TBC1D2B: variants seen among roughly 807,000 people sequenced by gnomAD.
The protein encoded by TBC1D2B is TBC1 domain family, member 2B.
A neutral mutation model predicts 100.8 loss-of-function variants in TBC1D2B; 64 were observed. That is an observed-to-expected ratio of 0.64 (90% CI 0.52 to 0.78). TBC1D2B has a LOEUF of 0.78. Ranked by LOEUF, TBC1D2B falls within the 30% of genes least tolerant of loss-of-function variation. TBC1D2B has a pLI of 0.00. For synonymous variants in TBC1D2B, 480 were observed against 479.7 expected (o/e 1.00, Z -0.01); for missense variants, 1,052 against 1,218.4 (o/e 0.86, Z 2.03).
intron 10 of TBC1D2B, among the ~76,000 whole-genome samples, chr15:78,005,417 G>A (rs1270321425): frequency 6.6e-6 from 1 of 152,254 alleles, no homozygotes; most frequent in Admixed American, 6.5e-5. Context: ...GTTCTGGCAG[G>A]AGGCAGTTTG....
intron 1 of TBC1D2B, among the ~76,000 whole-genome samples, chr15:78,070,954 C>G (rs2073733856): frequency 6.6e-6 from 1 of 152,252 alleles, no homozygotes; most frequent in South Asian, 2.1e-4. Flanking sequence ...TCCCAAGCAG[C>G]TGGGATTACA....
intron 1 of TBC1D2B, among the ~76,000 whole-genome samples, chr15:78,064,873 G>A (rs551128543): frequency 6.6e-6 from 1 of 152,294 alleles, no homozygotes; most frequent in East Asian, 1.9e-4. Context: ...TGGAATACAA[G>A]GTCACAAACC....
rs1303456668 is a variant in TBC1D2B at position 78,040,747 on chromosome 15, AAGGG to A, written c.683+4149_683+4152del. 3.6e-5 allele frequency among the ~76,000 whole-genome samples: 5 copies of A among 137,996 alleles called. No homozygotes were observed. The East Asian group carries it at 6.8e-4, about 19-fold the overall frequency. 90.5% of individuals were successfully genotyped at this position (137,996 alleles called of 152,430 possible). The stretch of plus-strand genomic sequence containing the variant: ...GAGAAAAGGAAGGAAGGAAGGAAAG[AAGGG>A]AGGGAGGGAGAGAGGAAGAGAGAAA... On this transcript the variant is annotated intron_variant, in intron 3 of 12. Coordinates refer to ENST00000300584, the MANE Select transcript of TBC1D2B (RefSeq NM_144572.2).
chr15:78,011,644 GGTTTT>G (rs569150719), intron 9 of TBC1D2B, among the ~76,000 whole-genome samples: 69,557 of 126,992 alleles, frequency 0.55, 20,114 homozygotes, highest in Admixed American at 0.6. Context: ...CTAATTTTTT[GGTTTT>G]TTTTTTTTTT....
At chr15:78,005,055 C>CT (rs2072029476) in intron 10 of TBC1D2B, among the ~76,000 whole-genome samples, 3 of 152,218 alleles carry the variant, frequency 2.0e-5, no homozygotes, top group Admixed American at 2.0e-4. Context: ...TATCCAGCTG[C>CT]AGACGTCCAA....
intron 1 of TBC1D2B, among the ~76,000 whole-genome samples, chr15:78,069,313 G>A (rs1046293630): frequency 6.6e-6 from 1 of 152,116 alleles, no homozygotes; most frequent in African/African-American, 2.4e-5. Context: ...AGGGCGGGCC[G>A]GCCCTAGCCA....
At chr15:78,053,984 GA>G (rs1344550065) in intron 2 of TBC1D2B, 49 bp downstream of exon 2, 1 of 1,550,228 alleles carries the variant, frequency 6.5e-7, no homozygotes, top group Non-Finnish European at 8.7e-7. Context: ...ATGTGGTATC[GA>G]ATGGCTTACA....
chr15:78,063,023 A>T (rs1193464234), intron 1 of TBC1D2B, among the ~76,000 whole-genome samples: 1 of 152,190 alleles, frequency 6.6e-6, no homozygotes, highest in Non-Finnish European at 1.5e-5. Flanking sequence ...ACTTCATGGT[A>T]TTGAAAATTA....
intron 1 of TBC1D2B, chr15:78,065,974 A>T: frequency 2.1e-6 from 1 of 470,588 alleles, no homozygotes; most frequent in Admixed American, 2.3e-5. Flanking sequence ...GTCCTATATC[A>T]TTGTTACCCA....
intron 3 of TBC1D2B, among the ~76,000 whole-genome samples, chr15:78,042,986 G>C (rs1025695690): frequency 6.6e-6 from 1 of 152,182 alleles, no homozygotes; most frequent in Non-Finnish European, 1.5e-5. Flanking sequence ...GATGAGGAAG[G>C]AAGGCAGGGC....
At chr15:78,056,686 CTTTTTTTTTTTTTTTT>C (rs368714497) in intron 1 of TBC1D2B, among the ~76,000 whole-genome samples, 19,565 of 113,336 alleles carry the variant, frequency 0.17, 1,690 homozygotes, top group Non-Finnish European at 0.21. Context: ...CAGTCCTCCT[CTTTTTTTTTTTTTTTT>C]TTTTTTTTTT....
intron 11 of TBC1D2B, chr15:78,001,942 C>T (rs1367760978): frequency 8.4e-6 from 4 of 475,650 alleles, no homozygotes; most frequent in Non-Finnish European, 1.4e-5. Context: ...ATAAACCCTG[C>T]TGGTTTTCAA....
chr15:78,060,597 T>C (rs1378468404), intron 1 of TBC1D2B, among the ~76,000 whole-genome samples: 1 of 151,832 alleles, frequency 6.6e-6, no homozygotes, highest in African/African-American at 2.4e-5. Flanking sequence ...AGCCGAGATC[T>C]GTACCCAGCC....
In TBC1D2B at chr15:78,003,392, G is replaced by A. The variant is rs768204753; in HGVS notation, c.2487C>T (p.Phe829=). Residue 829 remains phenylalanine, a synonymous_variant, in exon 11 of 13, where the codon TTC becomes TTT. Coordinates refer to ENST00000300584, the MANE Select transcript of TBC1D2B (RefSeq NM_144572.2). Reference sequence around the variant, plus strand: ...CCACAAATACCACCAGAAACCAGTTGAAAGTGATGAGAGTGTAGTCGACTT... The same window carrying A: ...CCACAAATACCACCAGAAACCAGTTAAAAGTGATGAGAGTGTAGTCGACTT... ...QYKVDYTLIT[F]NWFLVVFVDS... 1 of 1,613,930 alleles carries A rather than the reference G, an allele frequency of 6.2e-7. No homozygotes were observed. Among genetic ancestry groups the A allele is most frequent in the Admixed American group, 1.7e-5 (1 of 60,036 alleles).
chr15:78,050,356 G>A (rs1488517137), intron 2 of TBC1D2B, among the ~76,000 whole-genome samples: 3 of 152,300 alleles, frequency 2.0e-5, no homozygotes, highest in East Asian at 3.9e-4. Flanking sequence ...ACAGGCACTT[G>A]GGCATTTGAG....
chr15:78,052,369 AC>A (rs901048371), intron 2 of TBC1D2B, among the ~76,000 whole-genome samples: 9 of 151,650 alleles, frequency 5.9e-5, no homozygotes, highest in African/African-American at 2.2e-4. Flanking sequence ...CTGCACAACC[AC>A]CCTGCTTGAC....
Position 78,072,291 on chromosome 15 carries a change from G to C in TBC1D2B, c.360+5002C>G, listed in dbSNP as rs114059114. 6.3e-3 allele frequency among the ~76,000 whole-genome samples: 964 copies of C among 152,344 alleles called. 18 individuals are homozygous for C. Among genetic ancestry groups the C allele is most frequent in the African/African-American group, 0.022 (919 of 41,568 alleles). ...GAGGACTGTGTGAGGCAGTGGGAGAGGGAGACGGAATGCCACTGTGATATC... is the reference window on the plus strand; with the variant it reads ...GAGGACTGTGTGAGGCAGTGGGAGACGGAGACGGAATGCCACTGTGATATC... On this transcript the variant is annotated intron_variant, in intron 1 of 12. Coordinates refer to ENST00000300584, the MANE Select transcript of TBC1D2B (RefSeq NM_144572.2).
intron 1 of TBC1D2B, among the ~76,000 whole-genome samples, chr15:78,075,022 T>C (rs963862637): frequency 2.0e-5 from 3 of 152,034 alleles, no homozygotes; most frequent in African/African-American, 7.3e-5. Flanking sequence ...AGCCACCTAA[T>C]GAGGAAGGTA....
At chr15:78,049,316 C>T (rs2073263480) in intron 2 of TBC1D2B, among the ~76,000 whole-genome samples, 1 of 152,206 alleles carries the variant, frequency 6.6e-6, no homozygotes, top group Non-Finnish European at 1.5e-5. Flanking sequence ...GCTGCATATC[C>T]AACACCTAGC....
Sources: gnomAD v4.1 joint callset for allele counts (sites outside exome capture counted in the v4.1 genomes callset) on GRCh38, gnomAD v4.1.1 for gene constraint, MANE v1.5 for transcripts, NCBI Gene and HGNC (gene_info 2026-07-23, HGNC 2026-07-21) for gene names.